CNPY3: variants seen among roughly 807,000 people sequenced by gnomAD.
CNPY3 encodes the protein canopy FGF signaling regulator 3.
CNPY3 carries 20 observed loss-of-function variants against 32.0 expected under a neutral mutation model. The observed-to-expected ratio is 0.63, with a 90% CI of 0.44 to 0.91. The LOEUF (loss-of-function observed/expected upper bound fraction) is 0.91. Among genes scored for constraint, CNPY3 ranks in the 40% least tolerant of loss-of-function variants. The pLI is 0.00. For missense variants in CNPY3, 299 were observed against 340.8 expected, an observed-to-expected ratio of 0.88 and a Z score of 0.97; for synonymous variants, 138 against 142.9, an observed-to-expected ratio of 0.97 and a Z score of 0.24.
At chr6:42,938,532 C>T in intron 5 of CNPY3, 36 bp from the exon 6 acceptor site, 1 of 1,542,954 alleles carries the variant, frequency 6.5e-7, no homozygotes. Flanking sequence ...AGCCCTGAGG[C>T]ACTTCTGTTG....
At chr6:42,932,071 T>C (rs1434659395) in intron 1 of CNPY3, among the ~76,000 whole-genome samples, 2 of 152,178 alleles carry the variant, frequency 1.3e-5, no homozygotes, top group East Asian at 3.8e-4. Flanking sequence ...CTCCCTCTTA[T>C]TATTCTCATA....
intron 1 of CNPY3, among the ~76,000 whole-genome samples, chr6:42,931,689 G>A (rs913172518): frequency 2.7e-5 from 4 of 150,832 alleles, no homozygotes; most frequent in African/African-American, 7.3e-5. Flanking sequence ...TCAGCGTTTC[G>A]CTTCCTCTTC....
At chr6:42,929,233 T>C, upstream of CNPY3, 1 of 231,846 alleles carries the variant, frequency 4.3e-6, no homozygotes, top group Non-Finnish European at 8.4e-6. Context: ...TCCTGCATCC[T>C]CTCTCTCCCA....
chr6:42,937,428 C>G (rs1255602759), intron 3 of CNPY3, among the ~76,000 whole-genome samples: 1 of 152,044 alleles, frequency 6.6e-6, no homozygotes, highest in African/African-American at 2.4e-5. Context: ...CATGACAAAA[C>G]CCCAACTCTA....
At chr6:42,937,195 G>A (rs1165450039) in intron 3 of CNPY3, among the ~76,000 whole-genome samples, 1 of 151,936 alleles carries the variant, frequency 6.6e-6, no homozygotes, top group Non-Finnish European at 1.5e-5. Context: ...AAAGCCAAAG[G>A]GCCTGAGGGC....
Position 42,937,819 on chromosome 6 carries a change from G to A in CNPY3, c.475G>A (p.Val159Met), listed in dbSNP as rs2114182147. 1 of 1,614,186 alleles carries A rather than the reference G, an allele frequency of 6.2e-7. No individual in the cohort carries two copies. The highest frequency in any genetic ancestry group is 1.7e-4 in the Middle Eastern group (1 of 6,056). The change falls in exon 4 of 6, where the codon GTG becomes ATG. Residue 159 changes from valine to methionine, a missense_variant. Around this residue, in one of 2 missense-constraint regions of CNPY3, gnomAD observed 211 missense variants for 278.3 expected, o/e 0.76. Coordinates refer to ENST00000372836, the MANE Select transcript of CNPY3 (RefSeq NM_006586.5). ...GCTGTGGAACGAGACTTCTGCAGAG[G>A]TGGCTGACCTCAAGAAGCAGGTACA... ...YELWNETSAE[V>M]ADLKKQCDVL...
intron 3 of CNPY3, among the ~76,000 whole-genome samples, chr6:42,937,226 C>T (rs764155277): frequency 5.3e-5 from 8 of 152,112 alleles, no homozygotes; most frequent in African/African-American, 9.6e-5. Flanking sequence ...CTTTTTGAAG[C>T]GATGAGGTGT....
In CNPY3 at chr6:42,938,694, A is replaced by G; in HGVS notation, c.740A>G (p.Lys247Arg). The G allele has an allele frequency of 2.5e-6, 4 of 1,613,874 alleles. No homozygotes were observed. Among genetic ancestry groups the G allele is most frequent in the Non-Finnish European group, 3.4e-6 (4 of 1,179,898 alleles). The change falls in exon 6 of 6, where the codon AAG becomes AGG. Residue 247 changes from lysine (K) to arginine (R), a missense_variant. Transcript: ENST00000372836. ...AGGAGTAGCAGCAGCAAACAAAGGAAGGAGCTGGGTGGCCTTGAGGGAGAC... is the reference window on the plus strand; with the variant it reads ...AGGAGTAGCAGCAGCAAACAAAGGAGGGAGCTGGGTGGCCTTGAGGGAGAC... ...GGRSSSSKQR[K>R]ELGGLEGDPS...
At chr6:42,929,208 C>T (rs565989220), upstream of CNPY3, 23 of 139,230 alleles carry the variant, frequency 1.7e-4, no homozygotes, top group South Asian at 4.5e-3. Flanking sequence ...ACGCAGGCTT[C>T]TTCTCGGGTC....
upstream of CNPY3, among the ~76,000 whole-genome samples, chr6:42,928,238 C>G (rs1223901775): frequency 6.6e-6 from 1 of 152,166 alleles, no homozygotes; most frequent in Non-Finnish European, 1.5e-5. Flanking sequence ...CCACCTACCT[C>G]GGCCTTCCAA....
intron 1 of CNPY3, among the ~76,000 whole-genome samples, chr6:42,934,111 C>G (rs916062387): frequency 2.0e-5 from 3 of 151,196 alleles, no homozygotes; most frequent in Non-Finnish European, 4.4e-5. Flanking sequence ...GAGATCTCAT[C>G]ATTGTACTCT....
intron 2 of CNPY3, 138 bp downstream of exon 2, chr6:42,934,736 C>G (rs1165293811): frequency 8.9e-7 from 1 of 1,121,992 alleles, no homozygotes; most frequent in Non-Finnish European, 1.3e-6. Flanking sequence ...CCCACTGATT[C>G]TGTCCCCAGC....
At chr6:42,935,791 C>T in intron 3 of CNPY3, 121 bp downstream of exon 3, 2 of 1,150,920 alleles carry the variant, frequency 1.7e-6, no homozygotes, top group African/African-American at 1.5e-5. Context: ...TTGCCTCTTC[C>T]CATTCTTTGA....
intron 1 of CNPY3, among the ~76,000 whole-genome samples, chr6:42,932,306 C>T (rs774211854): frequency 3.3e-5 from 5 of 152,194 alleles, no homozygotes; most frequent in Non-Finnish European, 7.3e-5. Context: ...ATTATTATTA[C>T]ACCTTTGTTA....
At chr6:42,934,295 C>T (rs978582756) in intron 1 of CNPY3, among the ~76,000 whole-genome samples, 180 bp from the exon 2 acceptor site, 2 of 152,144 alleles carry the variant, frequency 1.3e-5, no homozygotes, top group African/African-American at 4.8e-5. Flanking sequence ...CAACATGGCA[C>T]ATTAGCATCC....
At chr6:42,932,807 T>C (rs536182448) in intron 1 of CNPY3, among the ~76,000 whole-genome samples, 1 of 152,274 alleles carries the variant, frequency 6.6e-6, no homozygotes, top group South Asian at 2.1e-4. Flanking sequence ...CATTGATTAA[T>C]TTCACCAAGC....
At chr6:42,928,595 A>G (rs1767529210), upstream of CNPY3, among the ~76,000 whole-genome samples, 1 of 152,176 alleles carries the variant, frequency 6.6e-6, no homozygotes, top group African/African-American at 2.4e-5. Context: ...TTAATGACAC[A>G]GCAGATGAGA....
intron 1 of CNPY3, among the ~76,000 whole-genome samples, chr6:42,931,683 C>T (rs1463557429): frequency 4.0e-5 from 6 of 151,464 alleles, no homozygotes; most frequent in Non-Finnish European, 8.8e-5. Context: ...AGCCTTTCAG[C>T]GTTTCGCTTC....
rs1016456544 is a variant in CNPY3 at position 42,938,490 on chromosome 6, C to T, written c.614-78C>T. 4 of 1,362,182 alleles carry T rather than the reference C, an allele frequency of 2.9e-6. No individual in the cohort carries two copies. The African/African-American group carries it at 5.8e-5, about 20-fold the overall frequency. The allele number at this position is 1,362,182 out of a possible 1,614,324, so 84.4% of individuals were successfully genotyped here. A position where few individuals can be genotyped will look rare whatever the true frequency, so the allele number is the denominator to read the frequency against. On this transcript the variant is annotated intron_variant, in intron 5 of 5. Coordinates refer to ENST00000372836, the MANE Select transcript of CNPY3 (RefSeq NM_006586.5). ...ACAGTCCCAGTTGCTACTCCCACGGCTCCCTGCTCAGTGCTCCTTGCCCAG... is the reference window on the plus strand; with the variant it reads ...ACAGTCCCAGTTGCTACTCCCACGGTTCCCTGCTCAGTGCTCCTTGCCCAG...
Sources: allele counts gnomAD v4.1 joint callset (sites outside exome capture counted in the v4.1 genomes callset), GRCh38; gene constraint gnomAD v4.1.1; regional missense constraint gnomAD v4.1.1; transcripts MANE v1.5; gene names NCBI Gene and HGNC (gene_info 2026-07-23, HGNC 2026-07-21).